The following GNA12 variants were observed in gnomAD, a reference collection of about 807,000 sequenced individuals.
GNA12 encodes the protein guanine nucleotide-binding protein subunit alpha-12.
Under a neutral mutation model 26.0 loss-of-function variants are expected in GNA12, and 9 were observed. The ratio of observed to expected loss-of-function variants is 0.35; its 90% confidence interval spans 0.21 to 0.60. GNA12 has a LOEUF of 0.60. Ranked by LOEUF, GNA12 falls within the 20% of genes least tolerant of loss-of-function variation. The pLI is 0.78. For synonymous variants in GNA12, 264 were observed against 219.6 expected, an observed-to-expected ratio of 1.20 and a Z score of -1.79; for missense variants, 405 against 525.8, an observed-to-expected ratio of 0.77 and a Z score of 2.25.
At chr7:2,806,214 C>T (rs1162357156) in intron 1 of GNA12, among the ~76,000 whole-genome samples, 1 of 152,076 alleles carries the variant, frequency 6.6e-6, no homozygotes, top group Non-Finnish European at 1.5e-5. Flanking sequence ...GGCGGTGGCT[C>T]ACGCCTGTAA....
intron 2 of GNA12, among the ~76,000 whole-genome samples, chr7:2,793,285 C>T (rs539545659): frequency 5.5e-5 from 8 of 144,534 alleles, no homozygotes; most frequent in African/African-American, 2.2e-4. Flanking sequence ...GACAGGAGCG[C>T]GAGAGGAAGC....
intron 1 of GNA12, among the ~76,000 whole-genome samples, chr7:2,818,581 G>A (rs984692556): frequency 6.6e-6 from 1 of 152,168 alleles, no homozygotes; most frequent in Non-Finnish European, 1.5e-5. Context: ...TGGGCAACAT[G>A]GTGAAACCCC....
chr7:2,785,307 C>G (rs1277912270), intron 2 of GNA12, among the ~76,000 whole-genome samples: 2 of 152,206 alleles, frequency 1.3e-5, no homozygotes, highest in Non-Finnish European at 2.9e-5. Context: ...CTGTCTGGGT[C>G]ATTCATTAGC....
intron 1 of GNA12, among the ~76,000 whole-genome samples, chr7:2,830,632 G>T (rs1793583667): frequency 6.6e-6 from 1 of 152,214 alleles, no homozygotes; most frequent in Non-Finnish European, 1.5e-5. Context: ...TGGCAGGAGA[G>T]GCAAGAGAAT....
In GNA12 at chr7:2,733,437, G is replaced by A. The variant is rs1790002615; in HGVS notation, c.576+14C>T. 6.2e-7 allele frequency: 1 copy of A among 1,611,842 alleles called. No individual in the cohort carries two copies. The highest frequency in any genetic ancestry group is 1.3e-5 in the African/African-American group (1 of 74,842). Reference sequence around the variant, plus strand: ...CCTGGAGCCCAGCTTCTTCGGGCGGGCGTGCTTACTCACCAGCTGGCCGAT... The same window carrying A: ...CCTGGAGCCCAGCTTCTTCGGGCGGACGTGCTTACTCACCAGCTGGCCGAT... On this transcript the variant is annotated intron_variant, in intron 3 of 3. Transcript: ENST00000275364.
chr7:2,738,778 G>A (rs773915894), intron 2 of GNA12, among the ~76,000 whole-genome samples: 7 of 152,100 alleles, frequency 4.6e-5, no homozygotes, highest in Non-Finnish European at 1.0e-4. Flanking sequence ...GAACCCAATA[G>A]GACAATAAGG....
At chr7:2,749,911 C>G (rs530528086) in intron 2 of GNA12, among the ~76,000 whole-genome samples, 1 of 152,054 alleles carries the variant, frequency 6.6e-6, no homozygotes, top group Non-Finnish European at 1.5e-5. Flanking sequence ...ATCTTTGGGG[C>G]AATTCCTAAA....
rs978218434 is a variant in GNA12 at position 2,801,342 on chromosome 7, G to C, written c.310-6199C>G. 2.6e-5 allele frequency among the ~76,000 whole-genome samples: 4 copies of C among 152,214 alleles called. No homozygotes were observed. The East Asian group carries it at 7.7e-4, about 29-fold the overall frequency. ...AACCCCTAGGAAGTTTCATTTTTAT[G>C]TCAAAGACGAAGTCAGGGGGCCAGG... On this transcript the variant is annotated intron_variant, in intron 1 of 3. Transcript: ENST00000275364.
chr7:2,837,376 T>C (rs1159128514), intron 1 of GNA12, among the ~76,000 whole-genome samples: 2 of 152,242 alleles, frequency 1.3e-5, no homozygotes, highest in South Asian at 2.1e-4. Flanking sequence ...AACAGCCGTA[T>C]GTCAGAGTCC....
At chr7:2,780,625 G>A (rs974185649) in intron 2 of GNA12, among the ~76,000 whole-genome samples, 1 of 152,040 alleles carries the variant, frequency 6.6e-6, no homozygotes, top group Admixed American at 6.5e-5. Flanking sequence ...CACTATATAT[G>A]TGCTTATGTA....
At chr7:2,843,716 G>C (rs961725927) in intron 1 of GNA12, 137 bp downstream of exon 1, 3 of 434,298 alleles carry the variant, frequency 6.9e-6, no homozygotes, top group African/African-American at 4.2e-5. Flanking sequence ...GGGGGGAGTG[G>C]GGTGCAGGCG....
At chr7:2,753,779 T>A (rs1369876937) in intron 2 of GNA12, among the ~76,000 whole-genome samples, 1 of 152,152 alleles carries the variant, frequency 6.6e-6, no homozygotes, top group Non-Finnish European at 1.5e-5. Context: ...TAATGCTGAA[T>A]TTACTCCTGT....
At chr7:2,748,888 C>A (rs1486771306) in intron 2 of GNA12, among the ~76,000 whole-genome samples, 1 of 152,192 alleles carries the variant, frequency 6.6e-6, no homozygotes, top group African/African-American at 2.4e-5. Context: ...GACATTTATG[C>A]AGCCAAAAGA....
chr7:2,795,620 C>T (rs1307992290), intron 1 of GNA12, among the ~76,000 whole-genome samples: 3 of 137,246 alleles, frequency 2.2e-5, no homozygotes, highest in African/African-American at 7.7e-5. Context: ...AGAGCAAGAC[C>T]CTGTTTCAAA....
At chr7:2,820,401 C>CTTTTTTTTTTT (rs35674433) in intron 1 of GNA12, among the ~76,000 whole-genome samples, 2 of 126,370 alleles carry the variant, frequency 1.6e-5, no homozygotes, top group African/African-American at 3.0e-5. Context: ...CTCAATAAAG[C>CTTTTTTTTTTT]TTTTTTTTTT....
chr7:2,823,707 A>C (rs960769304), intron 1 of GNA12, among the ~76,000 whole-genome samples: 35 of 152,226 alleles, frequency 2.3e-4, no homozygotes, highest in Admixed American at 8.5e-4. Context: ...CTAAAAAAAA[A>C]ATTAAAAATT....
At chr7:2,810,069 G>A (rs1036600272) in intron 1 of GNA12, among the ~76,000 whole-genome samples, 2 of 152,294 alleles carry the variant, frequency 1.3e-5, no homozygotes, top group East Asian at 1.9e-4. Flanking sequence ...GGAGAGGATC[G>A]CTTAAGAAGT....
In GNA12 at chr7:2,757,264, T is replaced by C. The variant is rs368802444; in HGVS notation, c.526-23763A>G. Among the ~76,000 whole-genome samples, 8 of 11,298 alleles carry C rather than the reference T, an allele frequency of 7.1e-4. No individual in the cohort carries two copies. The East Asian group carries it at 9.3e-3, about 13-fold the overall frequency. 7.4% of individuals were successfully genotyped at this position (11,298 alleles called of 152,430 possible). On this transcript the variant is annotated intron_variant, in intron 2 of 3. Coordinates refer to ENST00000275364, the MANE Select transcript of GNA12 (RefSeq NM_007353.3). ...CATTCTCCTGCCTCAGCCTCCCAAG[T>C]AGCTGGGACCGCAGCGCCCGCCACC...
At chr7:2,790,073 C>T (rs1312308493) in intron 2 of GNA12, among the ~76,000 whole-genome samples, 2 of 152,160 alleles carry the variant, frequency 1.3e-5, no homozygotes, top group South Asian at 2.1e-4. Context: ...TCTGCCCTGC[C>T]GGCTGCTTTC....
Sources: gnomAD v4.1 joint callset for allele counts (sites outside exome capture counted in the v4.1 genomes callset) on GRCh38, gnomAD v4.1.1 for gene constraint, MANE v1.5 for transcripts, NCBI Gene and HGNC (gene_info 2026-07-23, HGNC 2026-07-21) for gene names.